The following DOCK8 variants were observed in gnomAD, a reference collection of about 807,000 sequenced individuals.
DOCK8 encodes dedicator of cytokinesis 8.
In DOCK8, 141 loss-of-function variants were observed where a neutral mutation model predicts 245.6. That is an observed-to-expected ratio of 0.57 (90% CI 0.50 to 0.66). The LOEUF is 0.66. Among genes scored for constraint, DOCK8 ranks in the 30% least tolerant of loss-of-function variants. The pLI, the probability that DOCK8 is intolerant of heterozygous loss-of-function variation, is 0.00. For missense variants in DOCK8, 2,965 were observed against 2,603.4 expected (o/e 1.14, Z -3.02); for synonymous variants, 1,168 against 970.2 (o/e 1.20, Z -3.79).
chr9:376,938 G>A (rs745967406), intron 19 of DOCK8, 39 bp from the exon 20 acceptor site: 2 of 1,561,974 alleles, frequency 1.3e-6, no homozygotes, highest in African/African-American at 2.7e-5. Flanking sequence ...GAACATTGAT[G>A]GTATAAAACC....
chr9:268,901 G>A (rs75118717), intron 1 of DOCK8, among the ~76,000 whole-genome samples: 4,994 of 152,258 alleles, frequency 0.033, 257 homozygotes, highest in African/African-American at 0.11. Flanking sequence ...TAATCTGCTG[G>A]TTTTTAAAAC....
chr9:426,505 T>G (rs1306539674), intron 33 of DOCK8, among the ~76,000 whole-genome samples: 1 of 152,216 alleles, frequency 6.6e-6, no homozygotes, highest in African/African-American at 2.4e-5. Context: ...TTCCCCTTAC[T>G]CAGATCTAGC....
chr9:238,984 C>A (rs748426988), intron 1 of DOCK8, among the ~76,000 whole-genome samples: 7 of 152,136 alleles, frequency 4.6e-5, no homozygotes, highest in Non-Finnish European at 7.3e-5. Context: ...CACACCGATT[C>A]ACCTACTCTG....
intron 25 of DOCK8, 38 bp from the exon 26 acceptor site, chr9:399,108 G>C (rs1410036422): frequency 1.3e-6 from 2 of 1,585,130 alleles, no homozygotes; most frequent in Middle Eastern, 1.7e-4. Flanking sequence ...AATCCAGAGT[G>C]TCCCACAAAA....
intron 24 of DOCK8, among the ~76,000 whole-genome samples, chr9:393,504 G>T (rs997887655): frequency 1.3e-5 from 2 of 152,184 alleles, no homozygotes; most frequent in African/African-American, 4.8e-5. Flanking sequence ...GAGGAAGGGT[G>T]GTGGCCATAA....
intron 22 of DOCK8, among the ~76,000 whole-genome samples, chr9:383,444 A>G (rs890685529): frequency 3.3e-5 from 5 of 152,234 alleles, no homozygotes; most frequent in African/African-American, 7.2e-5. Context: ...AGGCAGGAGA[A>G]TCGCTTCAAC....
At chr9:334,482 G>A in intron 11 of DOCK8, 98 bp downstream of exon 11, 3 of 1,333,916 alleles carry the variant, frequency 2.2e-6, no homozygotes, top group Admixed American at 2.2e-5. Context: ...AGTGAGGTGT[G>A]GGAAGTGGGG....
At chr9:425,456 C>T (rs544075292) in intron 33 of DOCK8, among the ~76,000 whole-genome samples, 58 of 148,868 alleles carry the variant, frequency 3.9e-4, no homozygotes, top group Admixed American at 7.4e-4. Context: ...GGCGTGAACC[C>T]GGGAAGTGGA....
chr9:431,930 A>T (rs2056727828), intron 36 of DOCK8, among the ~76,000 whole-genome samples: 1 of 152,208 alleles, frequency 6.6e-6, no homozygotes, highest in African/African-American at 2.4e-5. Flanking sequence ...CCTCAATGAA[A>T]ATTTAAAGGG....
At chr9:289,445 G>A in intron 3 of DOCK8, 65 bp from the exon 4 acceptor site, 1 of 1,292,224 alleles carries the variant, frequency 7.7e-7, no homozygotes, top group Non-Finnish European at 1.1e-6. Context: ...CCTTGCTCAT[G>A]ATTAGGGGTT....
At chr9:450,088 T>C (rs2057380538) in intron 45 of DOCK8, among the ~76,000 whole-genome samples, 161 bp downstream of exon 45, 2 of 152,214 alleles carry the variant, frequency 1.3e-5, no homozygotes, top group South Asian at 4.1e-4. Context: ...TTTAGAAGAC[T>C]TTTAGGAAAC....
intron 26 of DOCK8, among the ~76,000 whole-genome samples, chr9:403,995 T>TAC: frequency 1.1e-5 from 1 of 87,036 alleles, no homozygotes; most frequent in African/African-American, 5.5e-5. Context: ...TATATATGTG[T>TAC]ATATATATAT....
chr9:434,283 C>T (rs2056819238), intron 38 of DOCK8, among the ~76,000 whole-genome samples: 1 of 152,136 alleles, frequency 6.6e-6, no homozygotes, highest in South Asian at 2.1e-4. Context: ...GAATTATTTT[C>T]CATATGCTTT....
chr9:279,329 AT>A (rs575266370), intron 2 of DOCK8, among the ~76,000 whole-genome samples: 46 of 152,214 alleles, frequency 3.0e-4, no homozygotes, highest in Non-Finnish European at 6.3e-4. Flanking sequence ...TCAACCTGGA[AT>A]TTATGGCAGA....
At chr9:427,575 T>A (rs1217220389) in intron 34 of DOCK8, among the ~76,000 whole-genome samples, 2 of 152,198 alleles carry the variant, frequency 1.3e-5, no homozygotes, top group Admixed American at 6.5e-5. Flanking sequence ...GCTGTCTAGG[T>A]AATAATGAGT....
At chr9:220,489 A>G (rs146997527) in intron 1 of DOCK8, among the ~76,000 whole-genome samples, 264 of 152,280 alleles carry the variant, frequency 1.7e-3, no homozygotes, top group African/African-American at 6.1e-3. Flanking sequence ...AAAGGTAGTG[A>G]TGGAATGGGA....
chr9:306,173 A>G (rs1006442485), intron 5 of DOCK8, among the ~76,000 whole-genome samples: 8 of 152,242 alleles, frequency 5.3e-5, no homozygotes, highest in Non-Finnish European at 7.3e-5. Context: ...GTGTCTTCAT[A>G]ATACAGGAAT....
At chr9:288,618 G>C (rs910054646) in intron 3 of DOCK8, among the ~76,000 whole-genome samples, 1 of 152,118 alleles carries the variant, frequency 6.6e-6, no homozygotes, top group Admixed American at 6.5e-5. Flanking sequence ...CACACTAACC[G>C]ATTTAATCTT....
At chr9:423,191 A>T (rs1160980734) in intron 33 of DOCK8, among the ~76,000 whole-genome samples, 1 of 152,194 alleles carries the variant, frequency 6.6e-6, no homozygotes, top group Non-Finnish European at 1.5e-5. Flanking sequence ...CAGAAAAAAA[A>T]TTATAAAGAA....
Sources: allele counts gnomAD v4.1 joint callset (sites outside exome capture counted in the v4.1 genomes callset), GRCh38; gene constraint gnomAD v4.1.1; transcripts MANE v1.5; gene names NCBI Gene and HGNC (gene_info 2026-07-23, HGNC 2026-07-21).